Variants in EFCC1 observed in about 807,000 individuals in gnomAD.
EFCC1 encodes EF-hand and coiled-coil domain-containing protein 1.
A neutral mutation model predicts 52.1 loss-of-function variants in EFCC1; 50 were observed. The ratio of observed to expected loss-of-function variants is 0.96; its 90% CI spans 0.76 to 1.21. EFCC1 has a LOEUF of 1.21. Ranked by LOEUF, EFCC1 falls within the 50% of genes most tolerant of loss-of-function variation. The pLI is 0.00. For synonymous variants in EFCC1, 399 were observed against 396.5 expected (o/e 1.01, Z -0.08); for missense variants, 837 against 867.3 (o/e 0.97, Z 0.44).
chr3:129,006,948 C>G (rs1163854881), intron 2 of EFCC1, among the ~76,000 whole-genome samples: 1 of 152,228 alleles, frequency 6.6e-6, no homozygotes, highest in Non-Finnish European at 1.5e-5. Context: ...TGAGCATCAA[C>G]TGCATACCAG....
intron 5 of EFCC1, 50 bp downstream of exon 5, chr3:129,034,379 C>T (rs751205026): frequency 1.9e-6 from 3 of 1,593,810 alleles, no homozygotes; most frequent in Non-Finnish European, 2.6e-6. Flanking sequence ...GAGGATCTCA[C>T]AGCTGGAAGG....
At chr3:129,015,419 C>CCG (rs1553767960) in intron 2 of EFCC1, among the ~76,000 whole-genome samples, 7 of 151,442 alleles carry the variant, frequency 4.6e-5, no homozygotes, top group African/African-American at 1.7e-4. Context: ...TCTGCTCCTT[C>CCG]GGGGGGGGAG....
intron 2 of EFCC1, among the ~76,000 whole-genome samples, chr3:129,006,172 T>C (rs1172375509): frequency 6.6e-6 from 1 of 152,230 alleles, no homozygotes. Context: ...CAAATCAGCC[T>C]GGCCCCACTG....
In EFCC1 at chr3:129,002,010, G is replaced by C; in HGVS notation, c.382G>C (p.Glu128Gln). 1 of 1,546,232 alleles carries C rather than the reference G, an allele frequency of 6.5e-7. No individual in the cohort carries two copies. The highest frequency in any genetic ancestry group is 8.7e-7 in the Non-Finnish European group (1 of 1,145,328). ...ATDGDSDTDE[E>Q]ARLALRAEPP... ...GGACGGGGACTCAGATACCGATGAA[G>C]AGGCGCGCCTGGCGCTGCGCGCCGA... Residue 128 changes from glutamate (E) to glutamine (Q), a missense_variant, in exon 1 of 8, where the codon GAG becomes CAG. Glu to Gln is a conservative substitution (Grantham distance 29). Coordinates refer to ENST00000683648, the MANE Select transcript of EFCC1 (RefSeq NM_001377500.1).
At chr3:129,018,439 T>C (rs544256643) in intron 2 of EFCC1, among the ~76,000 whole-genome samples, 39 of 152,386 alleles carry the variant, frequency 2.6e-4, no homozygotes, top group African/African-American at 9.4e-4. Context: ...TTAGTGTCGA[T>C]GAATAAAGTT....
At chr3:129,015,356 C>T (rs956958943) in intron 2 of EFCC1, among the ~76,000 whole-genome samples, 10 of 152,170 alleles carry the variant, frequency 6.6e-5, no homozygotes, top group African/African-American at 1.4e-4. Context: ...ACGTCTTTCA[C>T]GGCCCCTGGA....
intron 2 of EFCC1, among the ~76,000 whole-genome samples, chr3:129,024,705 G>A (rs1453783832): frequency 6.6e-6 from 1 of 152,096 alleles, no homozygotes; most frequent in East Asian, 1.9e-4. Context: ...TCCTGTATCT[G>A]GAGCCCACTC....
intron 7 of EFCC1, among the ~76,000 whole-genome samples, chr3:129,039,398 G>A (rs900791313): frequency 1.3e-5 from 2 of 152,194 alleles, no homozygotes; most frequent in African/African-American, 4.8e-5. Flanking sequence ...CCTGCCTCAC[G>A]GGTCTTCACA....
chr3:129,033,029 C>T (rs1946302696), intron 4 of EFCC1, 63 bp downstream of exon 4: 1 of 1,436,308 alleles, frequency 7.0e-7, no homozygotes, highest in East Asian at 2.6e-5. Flanking sequence ...CTGGGGAAGC[C>T]AGGAGCACCT....
chr3:129,004,126 A>G (rs1259911092), intron 2 of EFCC1, 49 bp downstream of exon 2: 2 of 1,418,184 alleles, frequency 1.4e-6, no homozygotes, highest in African/African-American at 1.5e-5. Context: ...TTCGGCTCCC[A>G]TTTTCCCAAA....
chr3:129,004,091 C>T lies in EFCC1; in HGVS notation c.980+14C>T. The T allele has an allele frequency of 6.8e-7, 1 of 1,480,418 alleles. No individual in the cohort carries two copies. Among genetic ancestry groups the T allele is most frequent in the Non-Finnish European group, 8.9e-7 (1 of 1,121,174 alleles). The allele number at this position is 1,480,418 out of a possible 1,614,324, so 91.7% of individuals were successfully genotyped here. On this transcript the variant is annotated intron_variant, in intron 2 of 7. Transcript: ENST00000683648. ...GCAACGCTACAGGTGAGCGGGGGCG[C>T]GTGCCCTGGGCCCAAGTTCCCCAAT...
rs1270552705 is a variant in EFCC1, at chr3:129,001,917, G to A, written c.289G>A (p.Gly97Arg). 1.3e-6 allele frequency: 2 copies of A among 1,538,912 alleles called. No homozygotes were observed. Among genetic ancestry groups the A allele is most frequent in the South Asian group, 1.2e-5 (1 of 82,758 alleles). Residue 97 changes from glycine (G) to arginine (R), a missense_variant, in exon 1 of 8, where the codon GGG becomes AGG. Physicochemically the swap from Gly to Arg is moderately radical, Grantham distance 125 (BLOSUM62 -2). Coordinates refer to ENST00000683648, the MANE Select transcript of EFCC1 (RefSeq NM_001377500.1). ...GLRAEGATTAGQAAGDGNSRD... is the reference protein window; with the variant it reads ...GLRAEGATTARQAAGDGNSRD... ...GCGCGCGGAGGGGGCCACCACGGCCGGGCAGGCAGCAGGTGACGGGAACTC... is the reference window on the plus strand; with the variant it reads ...GCGCGCGGAGGGGGCCACCACGGCCAGGCAGGCAGCAGGTGACGGGAACTC...
chr3:129,027,244 A>G (rs1576772544), intron 2 of EFCC1, among the ~76,000 whole-genome samples: 2 of 152,248 alleles, frequency 1.3e-5, no homozygotes, highest in East Asian at 1.9e-4. Flanking sequence ...GAGCACGGGG[A>G]GGCCCCGCGG....
intron 2 of EFCC1, among the ~76,000 whole-genome samples, chr3:129,027,565 C>A (rs1559972288): frequency 6.6e-6 from 1 of 152,168 alleles, no homozygotes; most frequent in Non-Finnish European, 1.5e-5. Flanking sequence ...AGCAAGGGGC[C>A]ATGGCTCCGA....
chr3:129,030,445 G>GT (rs35284019), intron 2 of EFCC1: 5,295 of 315,104 alleles, frequency 0.017, 50 homozygotes, highest in Middle Eastern at 0.023. Context: ...TTTCCTAGAG[G>GT]TTTTTTTTTA....
chr3:129,030,725 A>T lies in EFCC1; in HGVS notation c.1003A>T (p.Thr335Ser), dbSNP rs976196344. Residue 335 changes from threonine (T) to serine (S), a missense_variant, in exon 3 of 8, where the codon ACC becomes TCC. Thr to Ser is a moderately conservative substitution (Grantham distance 58, BLOSUM62 1). Coordinates refer to ENST00000683648, the MANE Select transcript of EFCC1 (RefSeq NM_001377500.1). ...RYRSEDSQLP[T>S]PQLANPEPGD... Reference sequence around the variant, plus strand: ...CAGGTCAGAGGATTCCCAGCTCCCAACCCCGCAGCTAGCCAACCCAGAGCC... The same window carrying T: ...CAGGTCAGAGGATTCCCAGCTCCCATCCCCGCAGCTAGCCAACCCAGAGCC... The T allele has an allele frequency of 6.4e-7, 1 of 1,551,490 alleles. No individual in the cohort carries two copies. The highest frequency in any genetic ancestry group is 8.7e-7 in the Non-Finnish European group (1 of 1,146,898).
intron 5 of EFCC1, 21 bp from the exon 6 acceptor site, chr3:129,036,956 C>G (rs1049242690): frequency 6.2e-7 from 1 of 1,613,678 alleles, no homozygotes. Context: ...AAAGTGAGCA[C>G]TGAGCCCCTT....
Position 129,001,680 on chromosome 3 carries a change from G to C in EFCC1, c.52G>C (p.Asp18His). ...GGCCGGCATGGAGGGCGCGGGAGGT[G>C]ACCCGTACCGGCGACCTGCGCGGCG... ...AEAGMEGAGGDPYRRPARRTQ... is the reference protein window; with the variant it reads ...AEAGMEGAGGHPYRRPARRTQ... The change falls in exon 1 of 8, where the codon GAC (aspartate) becomes CAC (histidine). Residue 18 changes from aspartate to histidine, a missense_variant. Coordinates refer to ENST00000683648, the MANE Select transcript of EFCC1 (RefSeq NM_001377500.1). The C allele has an allele frequency of 2.0e-6, 3 of 1,473,240 alleles. No individual in the cohort carries two copies. The highest frequency in any genetic ancestry group is 2.7e-5 in the South Asian group (2 of 75,310). 91.3% of individuals were successfully genotyped at this position (1,473,240 alleles called of 1,614,324 possible). A position where few individuals can be genotyped will look rare whatever the true frequency, so the allele number is the denominator to read the frequency against.
In EFCC1 at chr3:129,039,777, T is replaced by C. The variant is rs1946401330; in HGVS notation, c.1729T>C (p.Leu577=). The part of the protein sequence containing the change: ...LHQALAACQL[L]RRQPSAPASA... ...CCAAGCCTTGGCTGCCTGCCAGCTG[T>C]TGCGGAGACAGCCCTCGGCACCAGC... The change falls in exon 8 of 8, where the codon TTG becomes CTG. Residue 577 remains leucine, a synonymous_variant. Transcript: ENST00000683648. 6.2e-7 allele frequency: 1 copy of C among 1,612,438 alleles called. No individual in the cohort carries two copies. Among genetic ancestry groups the C allele is most frequent in the Non-Finnish European group, 8.5e-7 (1 of 1,179,054 alleles).
Sources: gnomAD v4.1 joint callset for allele counts (sites outside exome capture counted in the v4.1 genomes callset) on GRCh38, gnomAD v4.1.1 for gene constraint, MANE v1.5 for transcripts, NCBI Gene and HGNC (gene_info 2026-07-23, HGNC 2026-07-21) for gene names.